Variants in CTBP1 observed in about 807,000 individuals in gnomAD.
CTBP1 encodes C-terminal binding protein 1.
CTBP1 carries 11 observed loss-of-function variants against 42.1 expected under a neutral mutation model. That is an observed-to-expected ratio of 0.26 (90% CI 0.16 to 0.43). The LOEUF (loss-of-function observed/expected upper bound fraction) is 0.43. CTBP1 is among the 20% of genes least tolerant of loss of function. The probability of loss-of-function intolerance (pLI) is 1.00; values close to 1 mark genes in which losing one functional copy is unlikely to be tolerated. For synonymous variants in CTBP1, 324 were observed against 277.1 expected (o/e 1.17, Z -1.68); for missense variants, 399 against 624.3 (o/e 0.64, Z 3.85).
Position 1,218,525 on chromosome 4 carries a change from A to G in CTBP1, c.515-2320T>C, listed in dbSNP as rs946333480. ...GAACGTGACGCCCGAGGACAGCCAG[A>G]ATCGGGGGGCGTAAACAAGGCAGAA... is the stretch of plus-strand genomic sequence containing the variant. On this transcript the variant is annotated intron_variant, in intron 5 of 9. Coordinates refer to ENST00000382952, the MANE Select transcript of CTBP1 (RefSeq NM_001012614.2). 14 of 152,336 alleles carry G rather than the reference A, an allele frequency of 9.2e-5. 1 individual carries two copies. Among genetic ancestry groups the G allele is most frequent in the East Asian group, 1.9e-4 (1 of 5,194 alleles). The allele number at this position is 152,336 out of a possible 1,614,324, so 9.4% of individuals were successfully genotyped here.
chr4:1,227,546 C>G (rs1256134604), intron 4 of CTBP1, among the ~76,000 whole-genome samples: 43 of 132,930 alleles, frequency 3.2e-4, no homozygotes, highest in African/African-American at 1.2e-3. Flanking sequence ...ACATGCATGG[C>G]TGCAGATGTG....
intron 5 of CTBP1, 143 bp downstream of exon 5, chr4:1,225,217 G>T: frequency 1.0e-6 from 1 of 969,836 alleles, no homozygotes; most frequent in Non-Finnish European, 1.5e-6. Flanking sequence ...CCTGGTGCCT[G>T]TGCGCACTCA....
chr4:1,216,062 C>T lies in CTBP1; in HGVS notation c.658G>A (p.Asp220Asn), dbSNP rs1006094126. ...AGGCCGCAGTGCAGGGTCACGCAGT[C>T]GCTGTGGAAGAGCAGGTCCTGCAGG... ...STLQDLLFHSDCVTLHCGLNE... is the reference protein window; with the variant it reads ...STLQDLLFHSNCVTLHCGLNE... The change falls in exon 6 of 10, where the codon GAC (aspartate) becomes AAC (asparagine). Residue 220 changes from aspartate to asparagine, a missense_variant. By Grantham distance (23) the Asp-to-Asn change is conservative. Coordinates refer to ENST00000382952, the MANE Select transcript of CTBP1 (RefSeq NM_001012614.2). 6.2e-7 allele frequency: 1 copy of T among 1,611,676 alleles called. No individual in the cohort carries two copies. The highest frequency in any genetic ancestry group is 8.5e-7 in the Non-Finnish European group (1 of 1,179,884).
At chr4:1,223,602 C>A in intron 5 of CTBP1, 1 of 417,120 alleles carries the variant, frequency 2.4e-6, no homozygotes, top group Non-Finnish European at 4.8e-6. Flanking sequence ...TCCTGAGGAA[C>A]CCGCGATCTG....
intron 3 of CTBP1, among the ~76,000 whole-genome samples, chr4:1,228,702 G>A (rs1230628669): frequency 1.7e-5 from 2 of 116,104 alleles, no homozygotes; most frequent in South Asian, 3.7e-4. Flanking sequence ...ACGGGGTCCC[G>A]CCTGGCGAGG....
chr4:1,230,636 T>A (rs922006418), intron 3 of CTBP1, among the ~76,000 whole-genome samples: 1 of 152,204 alleles, frequency 6.6e-6, no homozygotes, highest in African/African-American at 2.4e-5. Context: ...CAGGCTTGTG[T>A]GTACGCAGGC....
intron 2 of CTBP1, 32 bp downstream of exon 2, chr4:1,241,293 C>T: frequency 1.3e-6 from 1 of 799,168 alleles, no homozygotes; most frequent in Non-Finnish European, 2.3e-6. Context: ...GCCGGCTTCA[C>T]TCTGCCGCCG....
intron 1 of CTBP1, among the ~76,000 whole-genome samples, chr4:1,247,230 T>C (rs1214864264): frequency 6.6e-6 from 1 of 152,182 alleles, no homozygotes. Context: ...GTTGGGGACA[T>C]GGCAGACACC....
At chr4:1,243,949 G>C (rs766488306) in intron 1 of CTBP1, 2 of 985,476 alleles carry the variant, frequency 2.0e-6, no homozygotes, top group Non-Finnish European at 2.4e-6. Context: ...ACCCACGAGG[G>C]AAGTGAGTGT....
intron 5 of CTBP1, among the ~76,000 whole-genome samples, chr4:1,222,230 G>A (rs1158335370): frequency 6.6e-6 from 1 of 152,140 alleles, no homozygotes; most frequent in African/African-American, 2.4e-5. Context: ...CGGGACGCAG[G>A]TGTTCTGCAG....
chr4:1,242,063 T>G (rs1239723056), intron 1 of CTBP1: 13 of 987,072 alleles, frequency 1.3e-5, no homozygotes, highest in Non-Finnish European at 1.6e-5. Flanking sequence ...CGGCTCCACC[T>G]CCGACCCTCA....
chr4:1,249,538 G>A (rs927514591), upstream of CTBP1: 8 of 176,620 alleles, frequency 4.5e-5, no homozygotes, highest in South Asian at 8.1e-5. Flanking sequence ...GCCAGCTGCC[G>A]CCCTCCCGCG....
At chr4:1,240,286 G>A (rs1305976431) in intron 2 of CTBP1, among the ~76,000 whole-genome samples, 4 of 144,606 alleles carry the variant, frequency 2.8e-5, no homozygotes, top group African/African-American at 7.8e-5. Flanking sequence ...CGTCGGAACC[G>A]CCTGGGGGGA....
At chr4:1,241,820 G>A (rs1041480906) in intron 1 of CTBP1, 35 of 1,167,340 alleles carry the variant, frequency 3.0e-5, no homozygotes, top group Middle Eastern at 3.9e-4. Flanking sequence ...GGCTCTAGCC[G>A]CATCCAGATG....
rs368500209 is a variant in CTBP1, at chr4:1,213,069, G to A, written c.989-39C>T. 90 of 1,585,462 alleles carry A rather than the reference G, an allele frequency of 5.7e-5. No individual in the cohort carries two copies. In the African/African-American group the frequency reaches 1.1e-3, roughly 20 times the overall value. On this transcript the variant is annotated intron_variant, in intron 8 of 9. Transcript: ENST00000382952. ...GAGGAAGGAACAGCTGTGGCTCTGAGGGGGCCCCAGGAGCGTGGCCCACTG... is the reference window on the plus strand; with the variant it reads ...GAGGAAGGAACAGCTGTGGCTCTGAAGGGGCCCCAGGAGCGTGGCCCACTG...
rs1295846855 is a variant in CTBP1 at position 1,213,687 on chromosome 4, CCT to C, written c.861-84_861-83del. The C allele has an allele frequency of 5.3e-6, 8 of 1,522,642 alleles. No individual in the cohort carries two copies. In the African/African-American group the frequency reaches 8.3e-5, roughly 16 times the overall value. The allele number at this position is 1,522,642 out of a possible 1,614,324, so 94.3% of individuals were successfully genotyped here. A position where few individuals can be genotyped will look rare whatever the true frequency, so the allele number is the denominator to read the frequency against. On this transcript the variant is annotated intron_variant, in intron 7 of 9. Transcript: ENST00000382952. ...GGGAGGTGGCTGGGCACTGGAACCC[CCT>C]GTGGGGGGCCCTGCCTGGGAACCAC...
At chr4:1,250,348 C>T, upstream of CTBP1, 1 of 276,066 alleles carries the variant, frequency 3.6e-6, no homozygotes, top group Non-Finnish European at 7.4e-6. Flanking sequence ...GGAAACCTGG[C>T]AGGTGTCACC....
chr4:1,243,587 C>T (rs897903157), intron 1 of CTBP1: 40 of 985,326 alleles, frequency 4.1e-5, no homozygotes, highest in Non-Finnish European at 1.8e-5. Context: ...ACAAAGCGCC[C>T]CCTGCCGGGC....
chr4:1,213,244 G>A (rs925303672), intron 8 of CTBP1, among the ~76,000 whole-genome samples: 3 of 152,050 alleles, frequency 2.0e-5, no homozygotes, highest in Admixed American at 1.3e-4. Flanking sequence ...CCAGCTTGCT[G>A]AGGGACCTGT....
Sources: gnomAD v4.1 joint callset for allele counts (sites outside exome capture counted in the v4.1 genomes callset) on GRCh38, gnomAD v4.1.1 for gene constraint, MANE v1.5 for transcripts, NCBI Gene and HGNC (gene_info 2026-07-23, HGNC 2026-07-21) for gene names.